The following AGMO variants were observed in gnomAD, a reference collection of about 807,000 sequenced individuals.
AGMO encodes alkylglycerol monooxygenase.
In AGMO, 75 loss-of-function variants were observed where a neutral mutation model predicts 60.2. The ratio of observed to expected loss-of-function variants is 1.25; its 90% CI spans 1.03 to 1.51. The LOEUF (loss-of-function observed/expected upper bound fraction) is 1.51. Among genes scored for constraint, AGMO ranks in the 40% most tolerant of loss-of-function variants. The pLI is 0.00. For missense variants in AGMO, 763 were observed against 525.5 expected, an observed-to-expected ratio of 1.45 and a Z score of -4.42; for synonymous variants, 261 against 177.1, an observed-to-expected ratio of 1.47 and a Z score of -3.76.
At chr7:15,516,697 C>G (rs2128533189) in intron 3 of AGMO, among the ~76,000 whole-genome samples, 1 of 152,104 alleles carries the variant, frequency 6.6e-6, no homozygotes, top group East Asian at 1.9e-4. Context: ...TTCTGTATAT[C>G]CAAAAACTGT....
At chr7:15,229,414 A>C (rs1057200964) in intron 12 of AGMO, among the ~76,000 whole-genome samples, 1 of 151,588 alleles carries the variant, frequency 6.6e-6, no homozygotes, top group African/African-American at 2.4e-5. Flanking sequence ...AAAATAAATA[A>C]AAGCTATCCT....
intron 5 of AGMO, among the ~76,000 whole-genome samples, chr7:15,412,312 T>G (rs559523438): frequency 6.6e-6 from 1 of 152,140 alleles, no homozygotes; most frequent in East Asian, 1.9e-4. Flanking sequence ...CTGAGAAGAA[T>G]TTGTTTTCCT....
chr7:15,329,835 C>T lies in AGMO; in HGVS notation c.1263+35679G>A, dbSNP rs1781448568. Among the ~76,000 whole-genome samples, 3 of 152,052 alleles carry T rather than the reference C, an allele frequency of 2.0e-5. No individual in the cohort carries two copies. The South Asian group carries it at 6.2e-4, about 32-fold the overall frequency. On this transcript the variant is annotated intron_variant, in intron 12 of 12. Transcript: ENST00000342526. Reference sequence around the variant, plus strand: ...CTATTTGCTGAAGTGGGTAAGGAAGCTTCATATCCCACGAGCATCCTTACT... The same window carrying T: ...CTATTTGCTGAAGTGGGTAAGGAAGTTTCATATCCCACGAGCATCCTTACT...
chr7:15,517,984 G>A (rs1052072357), intron 3 of AGMO, among the ~76,000 whole-genome samples: 1 of 152,016 alleles, frequency 6.6e-6, no homozygotes, highest in African/African-American at 2.4e-5. Context: ...AGCTTGGTTG[G>A]GGGAGGGGCA....
rs560769455 is a variant in AGMO, at chr7:15,283,080, T to C, written c.1264-81721A>G. Among the ~76,000 whole-genome samples the C allele has an allele frequency of 8.8e-4, 134 of 152,238 alleles. 1 individual carries two copies. Among genetic ancestry groups the C allele is most frequent in the African/African-American group, 3.2e-3 (132 of 41,568 alleles). ...ACTAGACCAGCCCTACAAGAAATGC[T>C]AAAAGTAGTTCTAAATGTTGAAACA... On this transcript the variant is annotated intron_variant, in intron 12 of 12. Coordinates refer to ENST00000342526, the MANE Select transcript of AGMO (RefSeq NM_001004320.2).
chr7:15,465,133 G>C (rs975210426), intron 3 of AGMO, among the ~76,000 whole-genome samples: 2 of 151,924 alleles, frequency 1.3e-5, no homozygotes, highest in African/African-American at 2.4e-5. Context: ...TGTTCTGTTT[G>C]GTTTTGTTTT....
At chr7:15,392,147 G>A (rs573558680) in intron 6 of AGMO, among the ~76,000 whole-genome samples, 8 of 151,782 alleles carry the variant, frequency 5.3e-5, no homozygotes, top group Admixed American at 2.0e-4. Flanking sequence ...TCGGCTCACT[G>A]CAAGCTCTGC....
chr7:15,483,547 G>T (rs1782823147), intron 3 of AGMO, among the ~76,000 whole-genome samples: 1 of 151,818 alleles, frequency 6.6e-6, no homozygotes, highest in East Asian at 1.9e-4. Context: ...TACAGCCTGG[G>T]TGACAGAGCA....
intron 10 of AGMO, among the ~76,000 whole-genome samples, chr7:15,377,951 C>T (rs917057217): frequency 3.3e-5 from 5 of 152,006 alleles, no homozygotes; most frequent in African/African-American, 1.2e-4. Context: ...TTCTTGGTTT[C>T]AAATTTTGTC....
the AGMO span, among the ~76,000 whole-genome samples, chr7:15,159,342 T>C: frequency 6.6e-6 from 1 of 152,194 alleles, no homozygotes; most frequent in Non-Finnish European, 1.5e-5. Context: ...TAAAAATCTT[T>C]AAGCTCTACA....
intron 12 of AGMO, among the ~76,000 whole-genome samples, chr7:15,342,508 A>T (rs2128550004): frequency 6.6e-6 from 1 of 152,110 alleles, no homozygotes; most frequent in South Asian, 2.1e-4. Flanking sequence ...AGTCAAAACC[A>T]GGTTTACTAG....
intron 3 of AGMO, among the ~76,000 whole-genome samples, chr7:15,510,870 G>A (rs1190103305): frequency 1.4e-5 from 2 of 147,302 alleles, no homozygotes; most frequent in African/African-American, 2.5e-5. Flanking sequence ...TAATGTTAAT[G>A]TTATAAATAT....
At chr7:15,340,772 C>T (rs1219954495) in intron 12 of AGMO, among the ~76,000 whole-genome samples, 1 of 152,076 alleles carries the variant, frequency 6.6e-6, no homozygotes, top group Non-Finnish European at 1.5e-5. Context: ...GGGTGGAGCC[C>T]TCATGGAAAA....
chr7:15,547,458 G>A (rs1014464008), intron 2 of AGMO, among the ~76,000 whole-genome samples: 33 of 152,114 alleles, frequency 2.2e-4, no homozygotes, highest in Middle Eastern at 3.4e-3. Flanking sequence ...CAGTGGGTGC[G>A]CGCACCGTGC....
At chr7:15,214,675 GCTA>G (rs1454047808) in intron 12 of AGMO, among the ~76,000 whole-genome samples, 1 of 151,938 alleles carries the variant, frequency 6.6e-6, no homozygotes, top group Admixed American at 6.6e-5. Context: ...TGTAGGGCTT[GCTA>G]CTTTTTATTT....
chr7:15,193,411 AGCTGTGAAATTATG>A, the AGMO span, among the ~76,000 whole-genome samples: 2 of 152,188 alleles, frequency 1.3e-5, no homozygotes, highest in African/African-American at 4.8e-5. Context: ...CAAATTTACA[AGCTGTGAAATTATG>A]GCTTTTTAAA....
intron 12 of AGMO, among the ~76,000 whole-genome samples, chr7:15,235,473 G>A (rs2128500786): frequency 6.6e-6 from 1 of 152,242 alleles, no homozygotes; most frequent in Admixed American, 6.5e-5. Context: ...TAGTGAGTAA[G>A]TTTGATTCAG....
At chr7:15,151,652 G>T in the AGMO span, among the ~76,000 whole-genome samples, 4 of 152,028 alleles carry the variant, frequency 2.6e-5, no homozygotes, top group Admixed American at 1.3e-4. Flanking sequence ...TATTTTCATT[G>T]TGTCGTGATG....
At chr7:15,460,587 T>A (rs1782118799) in intron 3 of AGMO, among the ~76,000 whole-genome samples, 1 of 152,102 alleles carries the variant, frequency 6.6e-6, no homozygotes, top group Admixed American at 6.6e-5. Flanking sequence ...GTGTCAAAAA[T>A]TTTAATTTTA....
Sources: allele counts gnomAD v4.1 joint callset (sites outside exome capture counted in the v4.1 genomes callset), GRCh38; gene constraint gnomAD v4.1.1; transcripts MANE v1.5; gene names NCBI Gene and HGNC (gene_info 2026-07-23, HGNC 2026-07-21).